The following RANBP2 variants were observed in gnomAD, a reference collection of about 807,000 sequenced individuals.
RANBP2 encodes the protein RAN binding protein 2.
In RANBP2, 57 loss-of-function variants were observed where a neutral mutation model predicts 303.6. That is an observed-to-expected ratio of 0.19 (90% CI 0.15 to 0.23). The LOEUF (loss-of-function observed/expected upper bound fraction) is 0.23. RANBP2 is among the 10% of genes least tolerant of loss of function. The pLI is 1.00. For synonymous variants in RANBP2, 1,167 were observed against 1,301.5 expected (o/e 0.90, Z 2.23); for missense variants, 3,138 against 3,780.8 (o/e 0.83, Z 4.46).
At chr2:109,485,251 A>G in the RANBP2 span, among the ~76,000 whole-genome samples, 1 of 152,254 alleles carries the variant, frequency 6.6e-6, no homozygotes, top group South Asian at 2.1e-4. Context: ...TGGGACAGCC[A>G]CCTGTCTCCA....
the RANBP2 span, among the ~76,000 whole-genome samples, chr2:109,352,602 C>A: frequency 6.6e-6 from 1 of 152,238 alleles, no homozygotes; most frequent in African/African-American, 2.4e-5. Flanking sequence ...CGGAGCTCCA[C>A]GTCGTTCTCT....
At chr2:108,887,308 T>C in the RANBP2 span, among the ~76,000 whole-genome samples, 2 of 152,132 alleles carry the variant, frequency 1.3e-5, no homozygotes, top group South Asian at 4.1e-4. Flanking sequence ...TTGAAGTGAG[T>C]CATTGTGATG....
the RANBP2 span, among the ~76,000 whole-genome samples, chr2:108,872,091 T>G: frequency 1.3e-5 from 2 of 152,208 alleles, no homozygotes; most frequent in African/African-American, 4.8e-5. Context: ...AACCAGATCT[T>G]GACTGAGTGG....
the RANBP2 span, among the ~76,000 whole-genome samples, chr2:109,339,701 A>G: frequency 6.6e-6 from 1 of 152,132 alleles, no homozygotes; most frequent in Non-Finnish European, 1.5e-5. Flanking sequence ...GTACTCCTCT[A>G]AGTACCCATT....
the RANBP2 span, among the ~76,000 whole-genome samples, chr2:109,651,059 C>A: frequency 6.6e-6 from 1 of 152,100 alleles, no homozygotes; most frequent in Non-Finnish European, 1.5e-5. Context: ...CCGTATTTAA[C>A]TCCTGCCAGG....
intron 20 of RANBP2, among the ~76,000 whole-genome samples, chr2:108,769,999 T>C (rs544543273): frequency 6.6e-6 from 1 of 152,284 alleles, no homozygotes; most frequent in East Asian, 1.9e-4. Flanking sequence ...CTAAGGTAGC[T>C]CTTAATCTTT....
the RANBP2 span, among the ~76,000 whole-genome samples, chr2:109,520,788 G>A: frequency 2.2e-5 from 3 of 137,364 alleles, no homozygotes; most frequent in African/African-American, 7.5e-5. Flanking sequence ...AAAATTAGCC[G>A]GGCGTGGTGG....
chr2:108,771,947 T>C, intron 21 of RANBP2, 76 bp downstream of exon 21: 1 of 1,565,534 alleles, frequency 6.4e-7, no homozygotes. Flanking sequence ...TTAATTATTT[T>C]AAGCCTGCCT....
chr2:109,078,272 A>G, the RANBP2 span, among the ~76,000 whole-genome samples: 39 of 34,566 alleles, frequency 1.1e-3, 4 homozygotes, highest in Non-Finnish European at 1.9e-3. Context: ...TAGCGCGTAT[A>G]TATATATATA....
the RANBP2 span, chr2:109,490,684 C>G: frequency 1.3e-6 from 2 of 1,529,474 alleles, no homozygotes; most frequent in Non-Finnish European, 1.8e-6. Context: ...CCATCTGTGT[C>G]TCCAACCCAC....
At chr2:109,576,478 C>A in the RANBP2 span, among the ~76,000 whole-genome samples, 1 of 152,028 alleles carries the variant, frequency 6.6e-6, no homozygotes, top group Non-Finnish European at 1.5e-5. Flanking sequence ...GAATTCAATT[C>A]ATCATCAAAG....
chr2:109,104,022 C>T, the RANBP2 span, among the ~76,000 whole-genome samples: 1 of 152,098 alleles, frequency 6.6e-6, no homozygotes, highest in African/African-American at 2.4e-5. Context: ...TCTCCATCTC[C>T]TGACCTCATG....
Position 108,775,827 on chromosome 2 carries a change from T to C in RANBP2, c.8388T>C (p.Pro2796=), listed in dbSNP as rs771107329. ...MVPSFCKSEE[P]DSITKSISSP... The stretch of plus-strand genomic sequence containing the variant: ...CTTCTTTCTGTAAATCTGAAGAACC[T>C]GATTCTATTACCAAATCCATTAGTT... Residue 2796 remains proline (P), a synonymous_variant, in exon 24 of 29, where the codon CCT becomes CCC. Coordinates refer to ENST00000283195, the MANE Select transcript of RANBP2 (RefSeq NM_006267.5). The C allele has an allele frequency of 4.3e-5, 69 of 1,613,726 alleles. 1 individual carries two copies. In the South Asian group the frequency reaches 4.5e-4, roughly 11 times the overall value.
At chr2:109,709,734 A>G in the RANBP2 span, among the ~76,000 whole-genome samples, 1 of 152,248 alleles carries the variant, frequency 6.6e-6, no homozygotes, top group African/African-American at 2.4e-5. Context: ...CTTTGATCAT[A>G]TTTAAAACAA....
At chr2:109,705,110 TAAATAA>T in the RANBP2 span, among the ~76,000 whole-genome samples, 1 of 75,964 alleles carries the variant, frequency 1.3e-5, no homozygotes, top group African/African-American at 3.6e-5. Context: ...AATAAATAAA[TAAATAA>T]AAATGGGGCC....
the RANBP2 span, among the ~76,000 whole-genome samples, chr2:109,222,928 T>C: frequency 2.0e-5 from 3 of 152,360 alleles, no homozygotes; most frequent in Non-Finnish European, 4.4e-5. Context: ...GTGAGAGGGA[T>C]GGACCTGCCC....
chr2:109,277,256 A>G, the RANBP2 span, among the ~76,000 whole-genome samples: 1 of 151,958 alleles, frequency 6.6e-6, no homozygotes, highest in African/African-American at 2.4e-5. Flanking sequence ...CCTCTCCCTC[A>G]CTGTACAGGA....
the RANBP2 span, among the ~76,000 whole-genome samples, chr2:109,701,022 G>T: frequency 1.4e-3 from 215 of 152,282 alleles, no homozygotes; most frequent in Middle Eastern, 6.8e-3. Flanking sequence ...GTGGCTGAGG[G>T]AAAGCAGTGG....
the RANBP2 span, among the ~76,000 whole-genome samples, chr2:109,642,222 T>TATAATAAA: frequency 3.3e-5 from 5 of 152,170 alleles, no homozygotes; most frequent in African/African-American, 1.2e-4. Context: ...TGCACCTGGC[T>TATAATAAA]GCTTTCAGCT....
Sources: allele counts gnomAD v4.1 joint callset (sites outside exome capture counted in the v4.1 genomes callset), GRCh38; gene constraint gnomAD v4.1.1; transcripts MANE v1.5; gene names NCBI Gene and HGNC (gene_info 2026-07-23, HGNC 2026-07-21).